The following RAVER1 variants were observed in gnomAD, a reference collection of about 807,000 sequenced individuals.
The protein encoded by RAVER1 is ribonucleoprotein PTB-binding 1.
Under a neutral mutation model 68.4 loss-of-function variants are expected in RAVER1, and 36 were observed. The observed-to-expected ratio is 0.53, with a 90% CI of 0.40 to 0.70. The LOEUF is 0.70. RAVER1 is among the 30% of genes least tolerant of loss of function. RAVER1 has a pLI of 0.00. For synonymous variants in RAVER1, 469 were observed against 472.7 expected, an observed-to-expected ratio of 0.99 and a Z score of 0.10; for missense variants, 933 against 1,019.8, an observed-to-expected ratio of 0.91 and a Z score of 1.16.
rs751524914 is a variant in RAVER1, at chr19:10,328,974, T to C, written c.424A>G (p.Ser142Gly). 90 of 1,598,142 alleles carry C rather than the reference T, an allele frequency of 5.6e-5. No homozygotes were observed. Among genetic ancestry groups the C allele is most frequent in the Non-Finnish European group, 7.4e-5 (86 of 1,169,882 alleles). ...TCCTCGAACTGCTGCTGTGTGAGGCTGGGGGGCAGGTTGGCCACACACAGC... is the reference window on the plus strand; with the variant it reads ...TCCTCGAACTGCTGCTGTGTGAGGCCGGGGGGCAGGTTGGCCACACACAGC... ...ALLCVANLPP[S>G]LTQQQFEELV... The change falls in exon 3 of 13, where the codon AGC (serine) becomes GGC (glycine). Residue 142 changes from serine to glycine, a missense_variant. By Grantham distance (56) the Ser-to-Gly change is moderately conservative. Around this residue, in one of 3 missense-constraint regions of RAVER1, gnomAD observed 211 missense variants for 230.0 expected, o/e 0.92. Coordinates refer to ENST00000617231, the MANE Select transcript of RAVER1 (RefSeq NM_133452.3). The surrounding 1 kb of genome is among the most constrained non-coding windows in gnomAD (Gnocchi z 4.4).
chr19:10,319,543 A>G (rs1415084449), intron 9 of RAVER1, among the ~76,000 whole-genome samples: 2 of 151,306 alleles, frequency 1.3e-5, no homozygotes, highest in African/African-American at 4.8e-5. Flanking sequence ...GAGGGGGCCA[A>G]ACATCACCCA....
chr19:10,316,520 C>A lies in RAVER1; in HGVS notation c.*934G>T. On this transcript the variant is annotated 3_prime_UTR_variant, in exon 13 of 13. Transcript: ENST00000617231. ...AATTCAAGAATTCATCTTCAACAAG[C>A]GAGTGACAGCAGAGGCTCCGGGAGA... The A allele has an allele frequency of 1.0e-6, 1 of 988,504 alleles. No homozygotes were observed. Among genetic ancestry groups the A allele is most frequent in the Non-Finnish European group, 1.2e-6 (1 of 831,672 alleles). The allele number at this position is 988,504 out of a possible 1,614,324, so 61.2% of individuals were successfully genotyped here.
chr19:10,332,172 T>A (rs1387822808), intron 1 of RAVER1, among the ~76,000 whole-genome samples: 2 of 152,070 alleles, frequency 1.3e-5, no homozygotes, highest in African/African-American at 2.4e-5. Flanking sequence ...TTTTTAAAAA[T>A]TTTTTGTAGA....
chr19:10,328,131 C>T lies in RAVER1; in HGVS notation c.756+511G>A, dbSNP rs2040488016. 2.0e-5 allele frequency among the ~76,000 whole-genome samples: 3 copies of T among 152,282 alleles called. No individual in the cohort carries two copies. Among genetic ancestry groups the T allele is most frequent in the South Asian group, 4.1e-4 (2 of 4,828 alleles). On this transcript the variant is annotated intron_variant, in intron 3 of 12. Coordinates refer to ENST00000617231, the MANE Select transcript of RAVER1 (RefSeq NM_133452.3). This position sits in a 1 kb window ranked among gnomAD's most constrained non-coding sequence, Gnocchi z 4.4. Reference sequence around the variant, plus strand: ...AGCCTCCTCAATGCCTGGTCCAGGTCTGGGACCCCATGGGAGGTTTGACGA... The same window carrying T: ...AGCCTCCTCAATGCCTGGTCCAGGTTTGGGACCCCATGGGAGGTTTGACGA...
intron 1 of RAVER1, among the ~76,000 whole-genome samples, chr19:10,332,745 T>G (rs2040531590): frequency 6.6e-6 from 1 of 152,128 alleles, no homozygotes; most frequent in Non-Finnish European, 1.5e-5. Context: ...TGTAGGCTGG[T>G]GGCAGAAGAC....
rs1456167381 is a variant in RAVER1 at position 10,320,646 on chromosome 19, G to A, written c.1770+9C>T. 1 of 1,547,494 alleles carries A rather than the reference G, an allele frequency of 6.5e-7. No homozygotes were observed. The highest frequency in any genetic ancestry group is 8.7e-7 in the Non-Finnish European group (1 of 1,149,098). Reference sequence around the variant, plus strand: ...CTTAGGGGACAGAGAGCTGCAGCCAGGCACTCACCGAGGGGTAGTCGAAGC... The same window carrying A: ...CTTAGGGGACAGAGAGCTGCAGCCAAGCACTCACCGAGGGGTAGTCGAAGC... On this transcript the variant is annotated intron_variant, in intron 9 of 12. Coordinates refer to ENST00000617231, the MANE Select transcript of RAVER1 (RefSeq NM_133452.3).
chr19:10,321,683 GCC>G, intron 6 of RAVER1, 65 bp from the exon 7 acceptor site: 1 of 1,290,892 alleles, frequency 7.7e-7, no homozygotes, highest in Non-Finnish European at 1.0e-6. Context: ...GACAGGTGTG[GCC>G]CAGAGTCTTG....
At chr19:10,327,623 G>T (rs892293516) in intron 3 of RAVER1, among the ~76,000 whole-genome samples, 3 of 152,172 alleles carry the variant, frequency 2.0e-5, no homozygotes, top group Non-Finnish European at 4.4e-5. Flanking sequence ...AGGCTGCGGT[G>T]TTCTGATCCC....
In RAVER1 at chr19:10,331,356, C is replaced by CAA. The variant is rs58419369; in HGVS notation, c.220-832_220-831dup. ...TGGGCGACAGAGCGAGACTCCGTCTCAAAAAAAAAAAAAAAAAAAAAAAAA... is the reference window on the plus strand; with the variant it reads ...TGGGCGACAGAGCGAGACTCCGTCTCAAAAAAAAAAAAAAAAAAAAAAAAAAA... On this transcript the variant is annotated intron_variant, in intron 1 of 12. Transcript: ENST00000617231. Among the ~76,000 whole-genome samples, 248 of 29,134 alleles carry CAA rather than the reference C, an allele frequency of 8.5e-3. 4 individuals carry two copies. Among genetic ancestry groups the CAA allele is most frequent in the African/African-American group, 0.014 (84 of 6,048 alleles). The allele number at this position is 29,134 out of a possible 152,430, so 19.1% of individuals were successfully genotyped here. A position where few individuals can be genotyped will look rare whatever the true frequency, so the allele number is the denominator to read the frequency against.
chr19:10,328,900 A>T lies in RAVER1; in HGVS notation c.498T>A (p.Ser166Arg), dbSNP rs371232459. The T allele has an allele frequency of 3.7e-6, 6 of 1,612,932 alleles. No homozygotes were observed. In the African/African-American group the frequency reaches 8.0e-5, roughly 22 times the overall value. ...GSLERCFLVY[S>R]ERTGQSKGYG... The stretch of plus-strand genomic sequence containing the variant: ...AGCCCTTGGATTGGCCAGTGCGCTC[A>T]CTGTAGACCAGGAAGCAGCGCTCCA... The change falls in exon 3 of 13, where the codon AGT becomes AGA. Residue 166 changes from serine to arginine, a missense_variant. Ser to Arg is a moderately radical substitution (Grantham distance 110). Transcript: ENST00000617231. The surrounding 1 kb of genome is among the most constrained non-coding windows in gnomAD (Gnocchi z 4.4).
At chr19:10,318,965 A>G (rs768216842) in intron 10 of RAVER1, among the ~76,000 whole-genome samples, 83 of 152,246 alleles carry the variant, frequency 5.5e-4, no homozygotes, top group Non-Finnish European at 9.9e-4. Context: ...GGATTGCTTG[A>G]GCCCAGGAGT....
rs537203693 is a variant in RAVER1, at chr19:10,320,828, C to T, written c.1597G>A (p.Gly533Arg). 19 of 1,519,508 alleles carry T rather than the reference C, an allele frequency of 1.3e-5. No individual in the cohort carries two copies. The highest frequency in any genetic ancestry group is 5.7e-5 in the African/African-American group (4 of 69,704). 94.1% of individuals were successfully genotyped at this position (1,519,508 alleles called of 1,614,324 possible). A position where few individuals can be genotyped will look rare whatever the true frequency, so the allele number is the denominator to read the frequency against. ...CCCTCAGCTGGGCGGCGGCTTCTCC[C>T]GGCGCCTCCCCAGCCCCGGGCCTCC... ...GKEARGWGGAGRSRRPAEGPP... is the reference protein window; with the variant it reads ...GKEARGWGGARRSRRPAEGPP... The change falls in exon 9 of 13, where the codon GGG becomes AGG. Residue 533 changes from glycine (G) to arginine (R), a missense_variant. Physicochemically the swap from Gly to Arg is moderately radical, Grantham distance 125 (BLOSUM62 -2). Coordinates refer to ENST00000617231, the MANE Select transcript of RAVER1 (RefSeq NM_133452.3).
intron 9 of RAVER1, 126 bp downstream of exon 9, chr19:10,320,529 A>T: frequency 7.1e-6 from 5 of 702,126 alleles, no homozygotes; most frequent in Non-Finnish European, 1.1e-5. Flanking sequence ...AAAAAAGCAG[A>T]GACCATATCT....
chr19:10,331,873 C>T (rs1256060457), intron 1 of RAVER1, among the ~76,000 whole-genome samples: 1 of 152,122 alleles, frequency 6.6e-6, no homozygotes, highest in Non-Finnish European at 1.5e-5. Context: ...AGTTGGGCAG[C>T]GCAGCCACCC....
chr19:10,318,174 C>A, intron 11 of RAVER1, 55 bp downstream of exon 11: 1 of 1,493,790 alleles, frequency 6.7e-7, no homozygotes. Flanking sequence ...GTGGCAGGCA[C>A]CCCCAAATCC....
chr19:10,318,824 AG>A (rs528047708), intron 10 of RAVER1, among the ~76,000 whole-genome samples: 27 of 152,332 alleles, frequency 1.8e-4, no homozygotes, highest in African/African-American at 5.3e-4. Context: ...GAGGCCACAT[AG>A]CTCACTGAGA....
chr19:10,319,929 C>G lies in RAVER1; in HGVS notation c.1771-689G>C, dbSNP rs1005799555. Among the ~76,000 whole-genome samples, 11 of 151,916 alleles carry G rather than the reference C, an allele frequency of 7.2e-5. 1 individual carries two copies. The highest frequency in any genetic ancestry group is 2.7e-4 in the African/African-American group (11 of 41,360). On this transcript the variant is annotated intron_variant, in intron 9 of 12. Coordinates refer to ENST00000617231, the MANE Select transcript of RAVER1 (RefSeq NM_133452.3). The stretch of plus-strand genomic sequence containing the variant: ...TGCTGGGATTATAGGCATGAGCCAC[C>G]GTGCCTGGCCCAGTTTGCAATTTCT...
intron 9 of RAVER1, 112 bp downstream of exon 9, chr19:10,320,543 A>G (rs899043825): frequency 2.4e-6 from 2 of 826,538 alleles, no homozygotes; most frequent in African/African-American, 3.7e-5. Context: ...CATATCTGGC[A>G]CGTTCCCTGC....
In RAVER1 at chr19:10,317,381, A is replaced by G; in HGVS notation, c.*73T>C. ...AAAGAGAGAAAATGGTTTAAAAAAAACACAAAACAAAACATCAGAAAACCC... is the reference window on the plus strand; with the variant it reads ...AAAGAGAGAAAATGGTTTAAAAAAAGCACAAAACAAAACATCAGAAAACCC... On this transcript the variant is annotated 3_prime_UTR_variant, in exon 13 of 13. Coordinates refer to ENST00000617231, the MANE Select transcript of RAVER1 (RefSeq NM_133452.3). The surrounding 1 kb of genome is among the most constrained non-coding windows in gnomAD (Gnocchi z 4.3). 1 of 1,503,736 alleles carries G rather than the reference A, an allele frequency of 6.7e-7. No homozygotes were observed. Among genetic ancestry groups the G allele is most frequent in the East Asian group, 2.3e-5 (1 of 44,416 alleles). The allele number at this position is 1,503,736 out of a possible 1,614,324, so 93.1% of individuals were successfully genotyped here.
Sources: gnomAD v4.1 joint callset for allele counts (sites outside exome capture counted in the v4.1 genomes callset) on GRCh38, gnomAD v4.1.1 for gene constraint, gnomAD v4.1.1 regional missense constraint, Gnocchi (gnomAD v3.1) non-coding constraint, MANE v1.5 for transcripts, NCBI Gene and HGNC (gene_info 2026-07-23, HGNC 2026-07-21) for gene names.